ANO2: variants seen among roughly 807,000 people sequenced by gnomAD.
ANO2 encodes anoctamin 2, also known as anoctamin-2.
Under a neutral mutation model 124.2 loss-of-function variants are expected in ANO2, and 101 were observed. The ratio of observed to expected loss-of-function variants is 0.81; its 90% CI spans 0.69 to 0.96. The LOEUF (loss-of-function observed/expected upper bound fraction) is 0.96, where lower values mean the gene tolerates loss of function less well. Ranked by LOEUF, ANO2 falls within the 40% of genes least tolerant of loss-of-function variation. The probability of loss-of-function intolerance (pLI) is 0.00; values close to 1 mark genes in which losing one functional copy is unlikely to be tolerated. For missense variants in ANO2, 1,293 were observed against 1,274.5 expected (o/e 1.01, Z -0.22); for synonymous variants, 486 against 482.5 (o/e 1.01, Z -0.09).
At chr12:5,820,487 C>T (rs540487060) in intron 7 of ANO2, among the ~76,000 whole-genome samples, 11 of 152,184 alleles carry the variant, frequency 7.2e-5, no homozygotes, top group Non-Finnish European at 1.5e-4. Context: ...GTGGTCATTT[C>T]CCCAGTGCCA....
At position 5,832,642 on chromosome 12, in the gene ANO2, C is replaced by G. The variant is rs1954193257; in HGVS notation, c.634-39G>C. 3 of 1,576,468 alleles carry G rather than the reference C, an allele frequency of 1.9e-6. No homozygotes were observed. The East Asian group carries it at 6.9e-5, about 36-fold the overall frequency. ...AGCCACAGGTCTGAAAAGGGGGCCA[C>G]TTCCAGCAGAGAGGAATGGCTTCAC... On this transcript the variant is annotated intron_variant, in intron 4 of 24. Transcript: ENST00000682330.
intron 23 of ANO2, among the ~76,000 whole-genome samples, chr12:5,571,404 G>A (rs917090758): frequency 4.6e-5 from 7 of 152,344 alleles, no homozygotes; most frequent in Middle Eastern, 3.4e-3. Flanking sequence ...ACGGGCAGCC[G>A]GAGACTTGTG....
rs894474802 is a variant in ANO2, at chr12:5,662,807, T to C, written c.1546-15006A>G. On this transcript the variant is annotated intron_variant, in intron 14 of 24. Coordinates refer to ENST00000682330, the MANE Select transcript of ANO2 (RefSeq NM_001364791.2). ...AACAGAGAATGGTGGTTAGTTCTTCTTCTTTATTAAAATCAAGGGGCCAGA... is the reference window on the plus strand; with the variant it reads ...AACAGAGAATGGTGGTTAGTTCTTCCTCTTTATTAAAATCAAGGGGCCAGA... 9.2e-5 allele frequency among the ~76,000 whole-genome samples: 14 copies of C among 152,212 alleles called. 1 individual carries two copies. The highest frequency in any genetic ancestry group is 1.5e-4 in the Non-Finnish European group (10 of 68,034).
At chr12:5,827,956 C>G (rs770975775) in intron 6 of ANO2, 136 bp from the exon 7 acceptor site, 2 of 892,006 alleles carry the variant, frequency 2.2e-6, no homozygotes, top group Non-Finnish European at 3.4e-6. Flanking sequence ...AAGCATGTGC[C>G]TGGCTCATGG....
intron 15 of ANO2, among the ~76,000 whole-genome samples, chr12:5,640,436 C>T (rs946730069): frequency 3.9e-5 from 6 of 152,130 alleles, no homozygotes; most frequent in Non-Finnish European, 7.3e-5. Context: ...TCAGAGTGAA[C>T]AGGCAACCTA....
chr12:5,761,054 A>C (rs1359172070), intron 10 of ANO2, among the ~76,000 whole-genome samples: 5 of 97,158 alleles, frequency 5.1e-5, no homozygotes, highest in African/African-American at 1.1e-4. Flanking sequence ...TTGGACCCCC[A>C]CAGCAAAAAA....
At chr12:5,618,074 G>A (rs1237088681) in intron 16 of ANO2, among the ~76,000 whole-genome samples, 1 of 152,308 alleles carries the variant, frequency 6.6e-6, no homozygotes, top group South Asian at 2.1e-4. Flanking sequence ...GGTTAATGCT[G>A]CATCAACTGG....
At chr12:5,842,412 A>G (rs1033553450) in intron 4 of ANO2, among the ~76,000 whole-genome samples, 3 of 152,166 alleles carry the variant, frequency 2.0e-5, no homozygotes, top group Admixed American at 2.0e-4. Flanking sequence ...CCTTTAGCAA[A>G]GGACGCAGAT....
chr12:5,643,505 T>C (rs927189772), intron 15 of ANO2, among the ~76,000 whole-genome samples: 4 of 152,226 alleles, frequency 2.6e-5, no homozygotes, highest in Admixed American at 6.5e-5. Context: ...AGGGCTTCCA[T>C]AGACGTTCTT....
At chr12:5,686,619 C>T (rs1353361909) in intron 14 of ANO2, among the ~76,000 whole-genome samples, 3 of 152,176 alleles carry the variant, frequency 2.0e-5, no homozygotes, top group African/African-American at 4.8e-5. Flanking sequence ...TAAGAGAAGG[C>T]TGGAGGGGCC....
At chr12:5,819,333 A>T (rs1953712115) in intron 7 of ANO2, among the ~76,000 whole-genome samples, 1 of 152,148 alleles carries the variant, frequency 6.6e-6, no homozygotes, top group Admixed American at 6.5e-5. Flanking sequence ...TAATTTATAT[A>T]AACAGAAATC....
chr12:5,729,829 T>A (rs1208170799), intron 14 of ANO2, among the ~76,000 whole-genome samples: 3 of 152,090 alleles, frequency 2.0e-5, no homozygotes, highest in Non-Finnish European at 4.4e-5. Context: ...TTTGGCAATA[T>A]AAAAGAACGA....
In ANO2 at chr12:5,607,646, C is replaced by T. The variant is rs138089893; in HGVS notation, c.2087+5010G>A. On this transcript the variant is annotated intron_variant, in intron 19 of 24. Coordinates refer to ENST00000682330, the MANE Select transcript of ANO2 (RefSeq NM_001364791.2). ...AGTGAAGCTTCATCTGTATTTATAGCCACTCTCCATCCTCATTAACACCTG... is the reference window on the plus strand; with the variant it reads ...AGTGAAGCTTCATCTGTATTTATAGTCACTCTCCATCCTCATTAACACCTG... Among the ~76,000 whole-genome samples, 413 of 152,230 alleles carry T rather than the reference C, an allele frequency of 2.7e-3. 3 individuals are homozygous for T. The highest frequency in any genetic ancestry group is 9.4e-3 in the African/African-American group (392 of 41,544).
At chr12:5,945,436 C>T (rs1402005618), upstream of ANO2, among the ~76,000 whole-genome samples, 1 of 152,086 alleles carries the variant, frequency 6.6e-6, no homozygotes, top group East Asian at 1.9e-4. Flanking sequence ...GGGAGCGGGG[C>T]GTCGAGAATG....
At chr12:5,589,878 A>C (rs781384432) in intron 20 of ANO2, among the ~76,000 whole-genome samples, 12 of 152,088 alleles carry the variant, frequency 7.9e-5, no homozygotes, top group Non-Finnish European at 1.8e-4. Flanking sequence ...CCTAGGATTA[A>C]ATAAACGAGA....
chr12:5,871,345 A>C (rs941462184), intron 3 of ANO2, among the ~76,000 whole-genome samples: 2 of 152,204 alleles, frequency 1.3e-5, no homozygotes, highest in African/African-American at 4.8e-5. Flanking sequence ...CTCATCACTA[A>C]GTCCCAAGCA....
chr12:5,641,597 T>G (rs1946396395), intron 15 of ANO2, among the ~76,000 whole-genome samples: 2 of 152,184 alleles, frequency 1.3e-5, no homozygotes, highest in South Asian at 4.1e-4. Context: ...AGCACCTGAC[T>G]GTGAAGGGTG....
chr12:5,742,618 G>T (rs986321868), intron 12 of ANO2, among the ~76,000 whole-genome samples: 4 of 152,148 alleles, frequency 2.6e-5, no homozygotes, highest in Non-Finnish European at 4.4e-5. Flanking sequence ...TACAACAGGG[G>T]ATTATGTGTC....
chr12:5,587,070 C>A (rs1342600266), intron 20 of ANO2, among the ~76,000 whole-genome samples: 1 of 152,164 alleles, frequency 6.6e-6, no homozygotes, highest in African/African-American at 2.4e-5. Context: ...CAACTGACAG[C>A]CCGTCCCCAC....
Sources: gnomAD v4.1 joint callset for allele counts (sites outside exome capture counted in the v4.1 genomes callset) on GRCh38, gnomAD v4.1.1 for gene constraint, MANE v1.5 for transcripts, NCBI Gene and HGNC (gene_info 2026-07-23, HGNC 2026-07-21) for gene names.